The following INF2 variants were observed in gnomAD, a reference collection of about 807,000 sequenced individuals.
The protein encoded by INF2 is inverted formin 2.
INF2 carries 43 observed loss-of-function variants against 123.5 expected under a neutral mutation model. The observed-to-expected ratio is 0.35, with a 90% CI of 0.27 to 0.45. The LOEUF is 0.45. Ranked by LOEUF, INF2 falls within the 20% of genes least tolerant of loss-of-function variation. INF2 has a pLI of 1.00. For synonymous variants in INF2, 851 were observed against 745.0 expected (o/e 1.14, Z -2.32); for missense variants, 1,453 against 1,682.7 (o/e 0.86, Z 2.39).
intron 1 of INF2, among the ~76,000 whole-genome samples, chr14:104,695,803 G>A (rs945244395): frequency 2.0e-5 from 3 of 151,886 alleles, no homozygotes; most frequent in Admixed American, 6.6e-5. Flanking sequence ...GTCCCCTGGC[G>A]TTCAGTGCTG....
intron 3 of INF2, 30 bp from the exon 4 acceptor site, chr14:104,703,264 TG>T (rs780835589): frequency 6.2e-7 from 1 of 1,612,906 alleles, no homozygotes; most frequent in Admixed American, 1.7e-5. Flanking sequence ...GCTCCCTGCC[TG>T]GGTGTGCCCT....
At chr14:104,689,590 T>TACCCCCC, upstream of INF2, 2 of 646,936 alleles carry the variant, frequency 3.1e-6, no homozygotes, top group Non-Finnish European at 3.7e-6. Context: ...CTCCTCTTCC[T>TACCCCCC]CCCGCCCGCC....
intron 20 of INF2, 141 bp downstream of exon 20, chr14:104,713,747 C>T (rs1890163058): frequency 7.5e-6 from 7 of 931,466 alleles, no homozygotes; most frequent in South Asian, 3.4e-5. Flanking sequence ...TGGGGACAGC[C>T]GAGGGGACAG....
At chr14:104,683,464 A>C (rs1037010668) in intron 1 of INF2, among the ~76,000 whole-genome samples, 1 of 152,034 alleles carries the variant, frequency 6.6e-6, no homozygotes, top group Non-Finnish European at 1.5e-5. Context: ...TGGGGCAGGG[A>C]GGGAGGTGTT....
At chr14:104,685,348 G>T (rs1430724111), upstream of INF2, among the ~76,000 whole-genome samples, 2 of 152,098 alleles carry the variant, frequency 1.3e-5, no homozygotes, top group African/African-American at 2.4e-5. Context: ...CTTGGAGTTT[G>T]AACTGAGAAA....
chr14:104,716,744 G>A lies in INF2; in HGVS notation c.*1+1404G>A, dbSNP rs1442963964. On this transcript the variant is annotated intron_variant, in intron 22 of 22. Coordinates refer to ENST00000392634, the MANE Select transcript of INF2 (RefSeq NM_022489.4). ...CTCACTCTGTTGCCCAGGCTGGAGT[G>A]CAGTGGTGCGATCTGAGCTCACAGC... 2.6e-5 allele frequency among the ~76,000 whole-genome samples: 4 copies of A among 152,264 alleles called. No individual in the cohort carries two copies. The East Asian group carries it at 7.7e-4, about 29-fold the overall frequency.
At chr14:104,689,587 T>TACTAC, upstream of INF2, 2 of 851,068 alleles carry the variant, frequency 2.3e-6, no homozygotes, top group Non-Finnish European at 2.8e-6. Flanking sequence ...CACCTCCTCT[T>TACTAC]CCTCCCGCCC....
intron 20 of INF2, 83 bp from the exon 21 acceptor site, chr14:104,714,119 GT>G: frequency 8.1e-7 from 1 of 1,236,436 alleles, no homozygotes; most frequent in Non-Finnish European, 1.1e-6. Context: ...GGGCGTTCAG[GT>G]AGACAGCGGA....
chr14:104,689,591 CCCG>C, upstream of INF2: 9 of 277,122 alleles, frequency 3.2e-5, no homozygotes, highest in Non-Finnish European at 4.9e-5. Context: ...TCCTCTTCCT[CCCG>C]CCCGCCCCGC....
At position 104,718,824 on chromosome 14, in the gene INF2, G is replaced by A. The variant is rs766724569; in HGVS notation, c.*31G>A. On this transcript the variant is annotated 3_prime_UTR_variant, in exon 23 of 23. Coordinates refer to ENST00000392634, the MANE Select transcript of INF2 (RefSeq NM_022489.4). ...CAGGCCCAGGCCCAAGGCCAAGTGAGAGAGCCCAGGCCACAGGACATGCTG... is the reference window on the plus strand; with the variant it reads ...CAGGCCCAGGCCCAAGGCCAAGTGAAAGAGCCCAGGCCACAGGACATGCTG... 3.7e-6 allele frequency: 6 copies of A among 1,612,748 alleles called. No individual in the cohort carries two copies. In the East Asian group the frequency reaches 1.3e-4, roughly 36 times the overall value.
Position 104,684,168 on chromosome 14 carries a change from G to A in INF2, c.-104+2586G>A, listed in dbSNP as rs77546315. The A allele has an allele frequency of 1.6e-3, 709 of 455,784 alleles. 5 individuals are homozygous for A. The highest frequency in any genetic ancestry group is 9.7e-3 in the African/African-American group (488 of 50,166). 28.2% of individuals were successfully genotyped at this position (455,784 alleles called of 1,614,324 possible). On this transcript the variant is annotated intron_variant, in intron 1 of 2. Transcript: ENST00000674723. This position sits in a 1 kb window ranked among gnomAD's most constrained non-coding sequence, Gnocchi z 5.0. ...ATGCAAGTAACCTGCGTGCCGCCAC[G>A]GGAAACAGCACGCATCCCATCTGGA...
Position 104,713,002 on chromosome 14 carries a change from C to G in INF2, c.2775+10C>G, listed in dbSNP as rs766570788. The G allele has an allele frequency of 6.2e-7, 1 of 1,612,028 alleles. No homozygotes were observed. Reference sequence around the variant, plus strand: ...CCTCCGCGCCCTGAAGGTGGGGCAGCCCGGCGGGACACAGCCTGTCTGGCT... The same window carrying G: ...CCTCCGCGCCCTGAAGGTGGGGCAGGCCGGCGGGACACAGCCTGTCTGGCT... On this transcript the variant is annotated intron_variant, in intron 18 of 22. Transcript: ENST00000392634.
intron 22 of INF2, among the ~76,000 whole-genome samples, chr14:104,717,276 T>G (rs1390129565): frequency 8.6e-6 from 1 of 116,348 alleles, no homozygotes. Context: ...CCGGGCAGGG[T>G]GCGCTGCCGT....
Position 104,718,961 on chromosome 14 carries a change from T to A in INF2, c.*168T>A. 7.1e-7 allele frequency: 1 copy of A among 1,415,096 alleles called. No individual in the cohort carries two copies. Among genetic ancestry groups the A allele is most frequent in the Non-Finnish European group, 9.2e-7 (1 of 1,085,736 alleles). The allele number at this position is 1,415,096 out of a possible 1,614,324, so 87.7% of individuals were successfully genotyped here. ...CTCCTGGAGCCTTCTTGGGGTGTTG[T>A]GGCTGGGAACCCGACAGGCACCAGT... On this transcript the variant is annotated 3_prime_UTR_variant, in exon 23 of 23. Coordinates refer to ENST00000392634, the MANE Select transcript of INF2 (RefSeq NM_022489.4).
At chr14:104,711,823 G>C in intron 16 of INF2, 124 bp downstream of exon 16, 1 of 821,098 alleles carries the variant, frequency 1.2e-6, no homozygotes, top group Admixed American at 2.2e-5. Flanking sequence ...CGGCGCCACG[G>C]AGCCCTGCCC....
chr14:104,722,184 G>C lies in INF2; in HGVS notation c.*3391G>C, dbSNP rs751434061. On this transcript the variant is annotated 3_prime_UTR_variant, in exon 23 of 23. Coordinates refer to ENST00000392634, the MANE Select transcript of INF2 (RefSeq NM_022489.4). Reference sequence around the variant, plus strand: ...AGCCGTGTGACTGGCAGGGGCCCCAGCTGTTGGGCCTGGGCAGGACTGTTT... The same window carrying C: ...AGCCGTGTGACTGGCAGGGGCCCCACCTGTTGGGCCTGGGCAGGACTGTTT... The C allele has an allele frequency of 3.3e-5, 5 of 152,292 alleles. No individual in the cohort carries two copies. The highest frequency in any genetic ancestry group is 1.2e-4 in the African/African-American group (5 of 41,450). 9.4% of individuals were successfully genotyped at this position (152,292 alleles called of 1,614,324 possible).
At chr14:104,681,695 G>A in intron 1 of INF2, 2 of 870,558 alleles carry the variant, frequency 2.3e-6, no homozygotes, top group Non-Finnish European at 3.2e-6. Context: ...GGCCCCTGAG[G>A]TCCCGGAGGG....
intron 22 of INF2, among the ~76,000 whole-genome samples, chr14:104,716,992 C>T (rs118097302): frequency 0.013 from 1,987 of 152,326 alleles, 30 homozygotes; most frequent in South Asian, 0.046. Context: ...GTGCCCAGCC[C>T]CCACCTTTTT....
chr14:104,707,653 C>T lies in INF2; in HGVS notation c.1386C>T (p.Pro462=), dbSNP rs1889848146. ...TCCCAACAGCACCCCCGCCCCCACC[C>T]CTGCCAGGCCTGGGGGCCATGGCCC... ...KALPTAPPPP[P]LPGLGAMAPP... is the part of the protein sequence containing the mutation. Residue 462 remains proline, a synonymous_variant, in exon 8 of 23, where the codon CCC becomes CCT. Transcript: ENST00000392634. The T allele has an allele frequency of 9.8e-7, 1 of 1,022,920 alleles. No homozygotes were observed. The highest frequency in any genetic ancestry group is 1.4e-6 in the Non-Finnish European group (1 of 699,450). 63.4% of individuals were successfully genotyped at this position (1,022,920 alleles called of 1,614,324 possible).
Sources: gnomAD v4.1 joint callset for allele counts (sites outside exome capture counted in the v4.1 genomes callset) on GRCh38, gnomAD v4.1.1 for gene constraint, Gnocchi (gnomAD v3.1) non-coding constraint, MANE v1.5 for transcripts, NCBI Gene and HGNC (gene_info 2026-07-23, HGNC 2026-07-21) for gene names.